SLCO1B1: variants seen among roughly 807,000 people sequenced by gnomAD.
SLCO1B1 encodes OATP-2.
Under a neutral mutation model 70.1 loss-of-function variants are expected in SLCO1B1, and 81 were observed. The ratio of observed to expected loss-of-function variants is 1.16; its 90% confidence interval spans 0.97 to 1.39. The LOEUF (loss-of-function observed/expected upper bound fraction) is 1.39. Among genes scored for constraint, SLCO1B1 ranks in the 40% most tolerant of loss-of-function variants. The pLI, the probability that SLCO1B1 is intolerant of heterozygous loss-of-function variation, is 0.00. For missense variants in SLCO1B1, 895 were observed against 799.6 expected (o/e 1.12, Z -1.44); for synonymous variants, 283 against 271.5 (o/e 1.04, Z -0.42).
At chr12:21,212,019 G>A (rs1333049357) in intron 11 of SLCO1B1, among the ~76,000 whole-genome samples, 1 of 149,478 alleles carries the variant, frequency 6.7e-6, no homozygotes, top group Non-Finnish European at 1.5e-5. Flanking sequence ...CCAGCTCCTG[G>A]ATTCACTAAT....
At chr12:21,176,373 C>A (rs766772705) in intron 4 of SLCO1B1, among the ~76,000 whole-genome samples, 1 of 151,902 alleles carries the variant, frequency 6.6e-6, no homozygotes, top group Non-Finnish European at 1.5e-5. Context: ...TACATTAGAG[C>A]GTGTGTGTGA....
chr12:21,225,171 A>G (rs190098844), intron 14 of SLCO1B1, among the ~76,000 whole-genome samples: 1 of 152,226 alleles, frequency 6.6e-6, no homozygotes, highest in Admixed American at 6.5e-5. Flanking sequence ...GTCAGTATAT[A>G]TAAGGATAAA....
intron 2 of SLCO1B1, among the ~76,000 whole-genome samples, chr12:21,145,398 C>T (rs1940367262): frequency 6.6e-6 from 1 of 151,710 alleles, no homozygotes; most frequent in African/African-American, 2.4e-5. Context: ...CTCCACCTCC[C>T]AGGCTCAAGT....
At position 21,239,038 on chromosome 12, in the gene SLCO1B1, T is replaced by C; in HGVS notation, c.1925T>C (p.Ile642Thr). ...GTCTCATCACTTGTTTTATATATTATATTAATTTATGCCATGAAGAAAAAA... is the reference window on the plus strand; with the variant it reads ...GTCTCATCACTTGTTTTATATATTACATTAATTTATGCCATGAAGAAAAAA... ...LRVSSLVLYI[I>T]LIYAMKKKYQ... is the part of the protein sequence containing the mutation. Residue 642 changes from isoleucine to threonine, a missense_variant, in exon 15 of 15, where the codon ATA (isoleucine) becomes ACA (threonine). Transcript: ENST00000256958. The C allele has an allele frequency of 6.3e-7, 1 of 1,590,062 alleles. No homozygotes were observed. Among genetic ancestry groups the C allele is most frequent in the Non-Finnish European group, 8.6e-7 (1 of 1,159,780 alleles).
chr12:21,206,506 T>C (rs537469486), intron 11 of SLCO1B1, among the ~76,000 whole-genome samples: 29 of 151,976 alleles, frequency 1.9e-4, no homozygotes, highest in African/African-American at 6.3e-4. Flanking sequence ...ATCACTACCC[T>C]TTTTACTTTT....
intron 2 of SLCO1B1, among the ~76,000 whole-genome samples, chr12:21,163,819 G>A (rs1591804981): frequency 6.6e-6 from 1 of 152,146 alleles, no homozygotes; most frequent in African/African-American, 2.4e-5. Context: ...TTTGACATGC[G>A]CATTTGAGAG....
At chr12:21,227,270 G>C (rs189257287) in intron 14 of SLCO1B1, among the ~76,000 whole-genome samples, 53 of 151,474 alleles carry the variant, frequency 3.5e-4, no homozygotes, top group Non-Finnish European at 7.4e-4. Flanking sequence ...CTTGAAAAAA[G>C]AAGAAAAAAT....
At chr12:21,217,377 A>T in intron 12 of SLCO1B1, 74 bp downstream of exon 12, 1 of 1,128,336 alleles carries the variant, frequency 8.9e-7, no homozygotes, top group Non-Finnish European at 1.3e-6. Flanking sequence ...ATATTTTTAC[A>T]TAATATACTG....
intron 7 of SLCO1B1, among the ~76,000 whole-genome samples, chr12:21,195,223 T>G (rs1457225042): frequency 2.6e-5 from 4 of 152,168 alleles, no homozygotes; most frequent in Non-Finnish European, 5.9e-5. Flanking sequence ...CTCTCAAATT[T>G]TGATTCTTTT....
At chr12:21,212,047 T>G (rs1353716593) in intron 11 of SLCO1B1, among the ~76,000 whole-genome samples, 1 of 149,178 alleles carries the variant, frequency 6.7e-6, no homozygotes, top group Non-Finnish European at 1.5e-5. Flanking sequence ...AGGTTTTTTT[T>G]TGTGTCTCTA....
intron 11 of SLCO1B1, among the ~76,000 whole-genome samples, chr12:21,216,486 G>A (rs188447595): frequency 2.6e-5 from 4 of 152,134 alleles, no homozygotes; most frequent in African/African-American, 9.7e-5. Context: ...GAAATCACTT[G>A]TTTCTACATT....
intron 2 of SLCO1B1, among the ~76,000 whole-genome samples, chr12:21,143,488 C>T (rs1198055923): frequency 4.6e-5 from 7 of 152,008 alleles, no homozygotes; most frequent in African/African-American, 1.7e-4. Context: ...CAAGCATTTA[C>T]TATATGCCAG....
intron 2 of SLCO1B1, among the ~76,000 whole-genome samples, chr12:21,145,146 C>T (rs576875338): frequency 4.2e-4 from 64 of 152,140 alleles, no homozygotes; most frequent in African/African-American, 1.4e-3. Context: ...AAGACCCAAC[C>T]GTTTTGTTGT....
chr12:21,141,834 TTAAG>T (rs1400138736), intron 2 of SLCO1B1, among the ~76,000 whole-genome samples, 176 bp downstream of exon 2: 7 of 151,978 alleles, frequency 4.6e-5, no homozygotes, highest in Non-Finnish European at 1.0e-4. Context: ...TTTAATCTGA[TTAAG>T]TATTTCTTTG....
intron 14 of SLCO1B1, among the ~76,000 whole-genome samples, chr12:21,228,322 A>G (rs1263046382): frequency 3.3e-5 from 5 of 152,226 alleles, no homozygotes; most frequent in Non-Finnish European, 7.3e-5. Flanking sequence ...AAGGTATAGA[A>G]TTCTAAATTG....
chr12:21,175,535 T>C (rs1354345412), intron 4 of SLCO1B1, among the ~76,000 whole-genome samples: 1 of 152,132 alleles, frequency 6.6e-6, no homozygotes, highest in Non-Finnish European at 1.5e-5. Context: ...TAGGAGACAA[T>C]GAGCAGTTTC....
chr12:21,192,466 A>T, intron 7 of SLCO1B1, among the ~76,000 whole-genome samples: 1 of 150,556 alleles, frequency 6.6e-6, no homozygotes, highest in South Asian at 2.1e-4. Flanking sequence ...TGTTTGTTTG[A>T]GTCTTTTCTC....
intron 2 of SLCO1B1, among the ~76,000 whole-genome samples, chr12:21,152,533 C>CTGTTTTTTTTTTTTT (rs1940484981): frequency 8.7e-5 from 3 of 34,358 alleles, no homozygotes; most frequent in African/African-American, 3.1e-4. Context: ...AGAGGAGAGG[C>CTGTTTTTTTTTTTTT]TTTTTTTTTT....
At chr12:21,171,857 G>C (rs923545510) in intron 2 of SLCO1B1, among the ~76,000 whole-genome samples, 4 of 152,038 alleles carry the variant, frequency 2.6e-5, no homozygotes, top group Non-Finnish European at 5.9e-5. Flanking sequence ...GAGAGAAAGA[G>C]AGAAATAGAG....
Sources: gnomAD v4.1 joint callset for allele counts (sites outside exome capture counted in the v4.1 genomes callset) on GRCh38, gnomAD v4.1.1 for gene constraint, MANE v1.5 for transcripts, NCBI Gene and HGNC (gene_info 2026-07-23, HGNC 2026-07-21) for gene names.